CRAMP1: variants seen among roughly 807,000 people sequenced by gnomAD.
CRAMP1 encodes cramped chromatin regulator 1, also known as protein cramped-like.
In CRAMP1, 50 loss-of-function variants were observed where a neutral mutation model predicts 115.4. That is an observed-to-expected ratio of 0.43 (90% CI 0.35 to 0.55). The LOEUF is 0.55. Ranked by LOEUF, CRAMP1 falls within the 20% of genes least tolerant of loss-of-function variation. The probability of loss-of-function intolerance (pLI) is 0.01; values close to 1 mark genes in which losing one functional copy is unlikely to be tolerated. For missense variants in CRAMP1, 1,679 were observed against 1,721.7 expected (o/e 0.98, Z 0.44); for synonymous variants, 866 against 745.4 (o/e 1.16, Z -2.64).
At position 1,673,898 on chromosome 16, in the gene CRAMP1, G is replaced by T; in HGVS notation, c.3663G>T (p.Leu1221=). The change falls in exon 21 of 21, where the codon CTG becomes CTT. Residue 1221 remains leucine, a synonymous_variant. Transcript: ENST00000397412. ...TCCTGCAGGTTGTGGATTCCCAGCTGGTGTGCATGATGAACGAAAACAGCA... is the reference window on the plus strand; with the variant it reads ...TCCTGCAGGTTGTGGATTCCCAGCTTGTGTGCATGATGAACGAAAACAGCA... ...ADVAEVVDSQ[L]VCMMNENSID... is the part of the protein sequence containing the mutation. 1 of 1,613,832 alleles carries T rather than the reference G, an allele frequency of 6.2e-7. No homozygotes were observed. Among genetic ancestry groups the T allele is most frequent in the Non-Finnish European group, 8.5e-7 (1 of 1,179,852 alleles).
At chr16:1,663,757 C>T (rs3178659) in intron 13 of CRAMP1, among the ~76,000 whole-genome samples, 16,483 of 152,180 alleles carry the variant, frequency 0.11, 1,193 homozygotes, top group African/African-American at 0.2. Flanking sequence ...TTGGCAACCA[C>T]GGATCCGCTT....
chr16:1,615,207 C>T (rs937613507), intron 2 of CRAMP1, among the ~76,000 whole-genome samples: 2 of 152,242 alleles, frequency 1.3e-5, no homozygotes, highest in Non-Finnish European at 2.9e-5. Flanking sequence ...CAGTGAGTAT[C>T]CTTTTTTGGG....
intron 6 of CRAMP1, among the ~76,000 whole-genome samples, chr16:1,651,600 CAGAGGTCATGGGGAGGTGGACTG>C (rs2036723741): frequency 6.7e-6 from 1 of 150,042 alleles, no homozygotes; most frequent in Admixed American, 6.6e-5. Context: ...TGAGGTCACA[CAGAGGTCATGGGGAGGTGGACTG>C]AGAGGTCACC....
chr16:1,639,719 C>T (rs1408080165), intron 5 of CRAMP1, among the ~76,000 whole-genome samples: 1 of 152,118 alleles, frequency 6.6e-6, no homozygotes, highest in East Asian at 1.9e-4. Flanking sequence ...TGCAACCAAT[C>T]AGAGATACTT....
chr16:1,668,819 C>T (rs542289708), intron 18 of CRAMP1, among the ~76,000 whole-genome samples, 182 bp from the exon 19 acceptor site: 13 of 152,326 alleles, frequency 8.5e-5, no homozygotes, highest in African/African-American at 3.1e-4. Context: ...CCGCTGCGCC[C>T]TGCCTCCCTG....
rs910069367 is a variant in CRAMP1 at position 1,614,212 on chromosome 16, A to G, written c.-1-427A>G. ...CGAGGCCGGCGCGCAGGGCCAGGCC[A>G]TGAGCCGCGGCCCCGCCGGGTAGGT... On this transcript the variant is annotated intron_variant, in intron 1 of 20. Coordinates refer to ENST00000397412, the MANE Select transcript of CRAMP1 (RefSeq NM_020825.4). The surrounding 1 kb of genome is among the most constrained non-coding windows in gnomAD (Gnocchi z 4.4). 1.4e-5 allele frequency among the ~76,000 whole-genome samples: 2 copies of G among 146,976 alleles called. No homozygotes were observed. The highest frequency in any genetic ancestry group is 1.5e-5 in the Non-Finnish European group (1 of 66,040).
intron 5 of CRAMP1, among the ~76,000 whole-genome samples, chr16:1,638,480 G>C (rs1047931792): frequency 6.6e-6 from 1 of 152,168 alleles, no homozygotes; most frequent in African/African-American, 2.4e-5. Flanking sequence ...CCTTCCTCAC[G>C]CAGGCCCTTG....
At chr16:1,652,700 C>T (rs2036735144) in intron 7 of CRAMP1, 119 bp downstream of exon 7, 1 of 886,358 alleles carries the variant, frequency 1.1e-6, no homozygotes. Context: ...CCTGCTTAAT[C>T]CCAGGGCTGC....
intron 4 of CRAMP1, among the ~76,000 whole-genome samples, chr16:1,634,043 A>G (rs955230089): frequency 6.6e-6 from 1 of 151,494 alleles, no homozygotes; most frequent in Non-Finnish European, 1.5e-5. Flanking sequence ...AAAAAAAGAA[A>G]GAAAGTCAGT....
chr16:1,626,531 T>A (rs771393399), intron 3 of CRAMP1, among the ~76,000 whole-genome samples: 7 of 151,914 alleles, frequency 4.6e-5, no homozygotes, highest in African/African-American at 7.3e-5. Context: ...GGATGGCCTC[T>A]TGAGGGGAGG....
intron 2 of CRAMP1, among the ~76,000 whole-genome samples, chr16:1,620,924 CA>C (rs759003687): frequency 2.0e-5 from 3 of 146,588 alleles, no homozygotes; most frequent in Non-Finnish European, 4.4e-5. Flanking sequence ...TCCCCCATTT[CA>C]TTTTTTTTTT....
rs1322595898 is a variant in CRAMP1, at chr16:1,671,329, TAGG to T, written c.3645+526_3645+528del. On this transcript the variant is annotated intron_variant, in intron 20 of 20. Coordinates refer to ENST00000397412, the MANE Select transcript of CRAMP1 (RefSeq NM_020825.4). The surrounding 1 kb of genome is among the most constrained non-coding windows in gnomAD (Gnocchi z 5.0). ...GCTTCTCCCACGCCCAGGGTAGTGA[TAGG>T]AGGAGTCACTGGGGCAGGTTCTTGA... Among the ~76,000 whole-genome samples, 1 of 152,152 alleles carries T rather than the reference TAGG, an allele frequency of 6.6e-6. No homozygotes were observed. The highest frequency in any genetic ancestry group is 2.4e-5 in the African/African-American group (1 of 41,430).
intron 2 of CRAMP1, among the ~76,000 whole-genome samples, chr16:1,624,933 C>T (rs1468773709): frequency 2.0e-5 from 3 of 151,906 alleles, no homozygotes; most frequent in East Asian, 1.9e-4. Context: ...CATCATGTTG[C>T]GCATGCTGGT....
intron 4 of CRAMP1, among the ~76,000 whole-genome samples, chr16:1,635,373 C>T (rs2036580466): frequency 6.6e-6 from 1 of 152,250 alleles, no homozygotes; most frequent in Non-Finnish European, 1.5e-5. Flanking sequence ...GGTTTCCATG[C>T]ACATCTGCGT....
In CRAMP1 at chr16:1,656,787, G is replaced by C; in HGVS notation, c.2030G>C (p.Gly677Ala). ...SRLAQQLREE[G>A]WNLQTSESLT... ...CTGGCTCAGCAGCTCCGTGAGGAGGGCTGGAACCTGCAGACCTCCGAAAGC... is the reference window on the plus strand; with the variant it reads ...CTGGCTCAGCAGCTCCGTGAGGAGGCCTGGAACCTGCAGACCTCCGAAAGC... The change falls in exon 10 of 21, where the codon GGC becomes GCC. Residue 677 changes from glycine to alanine, a missense_variant. This residue lies in a region of CRAMP1 where 405 missense variants were observed against 302.6 expected (regional missense o/e 1.34). Coordinates refer to ENST00000397412, the MANE Select transcript of CRAMP1 (RefSeq NM_020825.4). The surrounding 1 kb of genome is among the most constrained non-coding windows in gnomAD (Gnocchi z 5.6). 1 of 1,548,214 alleles carries C rather than the reference G, an allele frequency of 6.5e-7. No individual in the cohort carries two copies. The highest frequency in any genetic ancestry group is 8.7e-7 in the Non-Finnish European group (1 of 1,145,256).
At chr16:1,659,225 T>TG in intron 10 of CRAMP1, among the ~76,000 whole-genome samples, 1 of 152,322 alleles carries the variant, frequency 6.6e-6, no homozygotes, top group East Asian at 1.9e-4. Context: ...TCTTGACACT[T>TG]GTCACTTGCC....
At chr16:1,640,055 C>CG (rs1307257309) in intron 5 of CRAMP1, among the ~76,000 whole-genome samples, 3 of 152,106 alleles carry the variant, frequency 2.0e-5, no homozygotes, top group Admixed American at 2.0e-4. Context: ...TTTCCGCAAC[C>CG]GGTTCCTTTC....
In CRAMP1 at chr16:1,674,042, G is replaced by A. The variant is rs539718209; in HGVS notation, c.3807G>A (p.Gln1269=). The change falls in exon 21 of 21, where the codon CAG becomes CAA. Residue 1269 remains glutamine (Q), a synonymous_variant. Transcript: ENST00000397412. ...GGGPAVSDLS[Q] ...GCCCCGCTGTCAGTGACCTGTCCCAGTGACCACACGTCCTGGTGGCGGATG... is the reference window on the plus strand; with the variant it reads ...GCCCCGCTGTCAGTGACCTGTCCCAATGACCACACGTCCTGGTGGCGGATG... 3.0e-5 allele frequency: 49 copies of A among 1,611,740 alleles called. 1 individual carries two copies. In the East Asian group the frequency reaches 1.0e-3, roughly 34 times the overall value.
intron 10 of CRAMP1, 121 bp downstream of exon 10, chr16:1,657,113 C>T (rs1359334269): frequency 2.1e-6 from 2 of 941,306 alleles, no homozygotes; most frequent in Non-Finnish European, 3.0e-6. Context: ...GAGACAGGGT[C>T]CTGTGGCAGG....
Sources: allele counts gnomAD v4.1 joint callset (sites outside exome capture counted in the v4.1 genomes callset), GRCh38; gene constraint gnomAD v4.1.1; regional missense constraint gnomAD v4.1.1; non-coding constraint Gnocchi (gnomAD v3.1); transcripts MANE v1.5; gene names NCBI Gene and HGNC (gene_info 2026-07-23, HGNC 2026-07-21).